ERBB4: variants seen among roughly 807,000 people sequenced by gnomAD.
ERBB4 encodes erb-b2 receptor tyrosine kinase 4, also known as receptor tyrosine-protein kinase erbB-4.
ERBB4 carries 42 observed loss-of-function variants against 158.0 expected under a neutral mutation model. That is an observed-to-expected ratio of 0.27 (90% CI 0.21 to 0.34). The LOEUF (loss-of-function observed/expected upper bound fraction) is 0.34. ERBB4 is among the 10% of genes least tolerant of loss of function. The probability of loss-of-function intolerance (pLI) is 1.00; values close to 1 mark genes in which losing one functional copy is unlikely to be tolerated. For missense variants in ERBB4, 1,333 were observed against 1,624.1 expected (o/e 0.82, Z 3.08); for synonymous variants, 583 against 558.7 (o/e 1.04, Z -0.61).
At chr2:211,954,728 T>A (rs1432056965) in intron 2 of ERBB4, among the ~76,000 whole-genome samples, 1 of 152,022 alleles carries the variant, frequency 6.6e-6, no homozygotes, top group African/African-American at 2.4e-5. Context: ...CGGTGACAAA[T>A]GTAGTAGCAA....
rs140874029 is a variant in ERBB4 at position 211,655,693 on chromosome 2, G to A, written c.1946+2061C>T. 1.0e-3 allele frequency among the ~76,000 whole-genome samples: 156 copies of A among 152,224 alleles called. 1 individual carries two copies. Among genetic ancestry groups the A allele is most frequent in the African/African-American group, 3.4e-3 (143 of 41,550 alleles). On this transcript the variant is annotated intron_variant, in intron 16 of 27. Transcript: ENST00000342788. ...AGTTGCTCTGCCAGGGTCTCAAGAA[G>A]GAAAATTTCTTTCATAAATATAGGA...
chr2:211,973,094 C>T (rs775391759), intron 2 of ERBB4, among the ~76,000 whole-genome samples: 25 of 151,476 alleles, frequency 1.7e-4, no homozygotes, highest in Non-Finnish European at 3.2e-4. Flanking sequence ...CAAACGACCC[C>T]ACAAAAAAAA....
chr2:212,355,439 A>C (rs1176603205), intron 1 of ERBB4, among the ~76,000 whole-genome samples: 1 of 151,082 alleles, frequency 6.6e-6, no homozygotes, highest in African/African-American at 2.5e-5. Flanking sequence ...CTACAAACCT[A>C]CTGAAGTCTT....
rs1693246421 is a variant in ERBB4 at position 212,538,591 on chromosome 2, C to A, written c.-61G>T. 1 of 1,520,388 alleles carries A rather than the reference C, an allele frequency of 6.6e-7. No homozygotes were observed. Among genetic ancestry groups the A allele is most frequent in the Non-Finnish European group, 9.1e-7 (1 of 1,095,068 alleles). The allele number at this position is 1,520,388 out of a possible 1,614,324, so 94.2% of individuals were successfully genotyped here. A position where few individuals can be genotyped will look rare whatever the true frequency, so the allele number is the denominator to read the frequency against. ...ATGTCCAAATGGCATATCCCCCTTT[C>A]GGGCACGCGGAGGAGATCCCCCAGC... On this transcript the variant is annotated 5_prime_UTR_variant, in exon 1 of 28. Coordinates refer to ENST00000342788, the MANE Select transcript of ERBB4 (RefSeq NM_005235.3).
At chr2:211,436,385 A>C (rs2063855637) in intron 20 of ERBB4, among the ~76,000 whole-genome samples, 1 of 152,096 alleles carries the variant, frequency 6.6e-6, no homozygotes, top group Non-Finnish European at 1.5e-5. Flanking sequence ...TGCCTGTTTC[A>C]AACCCCAGCC....
At chr2:211,928,820 G>C (rs980397106) in intron 3 of ERBB4, among the ~76,000 whole-genome samples, 2 of 152,108 alleles carry the variant, frequency 1.3e-5, no homozygotes, top group Non-Finnish European at 2.9e-5. Flanking sequence ...GCTTTCTATG[G>C]CATATTGAAA....
chr2:212,372,239 T>C (rs72933146), intron 1 of ERBB4, among the ~76,000 whole-genome samples: 255 of 152,292 alleles, frequency 1.7e-3, no homozygotes, highest in Non-Finnish European at 3.1e-3. Context: ...CAACAGTTAC[T>C]TAAGGCCTTC....
chr2:212,119,331 A>G (rs2079672306), intron 2 of ERBB4, among the ~76,000 whole-genome samples: 1 of 152,164 alleles, frequency 6.6e-6, no homozygotes, highest in Non-Finnish European at 1.5e-5. Flanking sequence ...AAGTTAATAT[A>G]TAAAACAGAA....
rs1559321216 is a variant in ERBB4 at position 212,015,105 on chromosome 2, TATATATA to T, written c.235-67496_235-67490del. On this transcript the variant is annotated intron_variant, in intron 2 of 27. Coordinates refer to ENST00000342788, the MANE Select transcript of ERBB4 (RefSeq NM_005235.3). The stretch of plus-strand genomic sequence containing the variant: ...ATATATATATATATATATATATATA[TATATATA>T]AAAATTAGCCGGGCATGGTGGCGGG... Among the ~76,000 whole-genome samples, 18 of 82,606 alleles carry T rather than the reference TATATATA, an allele frequency of 2.2e-4. 4 individuals carry two copies. Among genetic ancestry groups the T allele is most frequent in the South Asian group, 8.5e-4 (2 of 2,340 alleles). The allele number at this position is 82,606 out of a possible 152,430, so 54.2% of individuals were successfully genotyped here.
intron 1 of ERBB4, among the ~76,000 whole-genome samples, chr2:212,219,797 C>T (rs1443207376): frequency 6.6e-6 from 1 of 151,256 alleles, no homozygotes; most frequent in East Asian, 1.9e-4. Context: ...TAACACAAAA[C>T]ACTCTTAGGA....
chr2:211,542,415 C>T (rs1233329658), intron 20 of ERBB4, among the ~76,000 whole-genome samples: 2 of 151,896 alleles, frequency 1.3e-5, no homozygotes, highest in Non-Finnish European at 2.9e-5. Context: ...CTTTTCCATC[C>T]CCCTCTGCTT....
chr2:211,759,386 C>A (rs1292340107), intron 4 of ERBB4, among the ~76,000 whole-genome samples: 1 of 152,112 alleles, frequency 6.6e-6, no homozygotes, highest in African/African-American at 2.4e-5. Context: ...TGTCAAATCT[C>A]CTAAGTTGCC....
chr2:212,218,583 A>T (rs2083182611), intron 1 of ERBB4, among the ~76,000 whole-genome samples: 2 of 151,366 alleles, frequency 1.3e-5, no homozygotes, highest in Non-Finnish European at 3.0e-5. Context: ...CTAGTCAACC[A>T]GCTAATTGCC....
At chr2:211,413,309 A>AACACACACAC (rs36108369) in intron 25 of ERBB4, among the ~76,000 whole-genome samples, 1,106 of 94,526 alleles carry the variant, frequency 0.012, 56 homozygotes, top group African/African-American at 0.04. Context: ...CTGTCTTAAA[A>AACACACACAC]ACACACACAC....
At chr2:211,963,705 T>G (rs908723328) in intron 2 of ERBB4, among the ~76,000 whole-genome samples, 3 of 152,126 alleles carry the variant, frequency 2.0e-5, no homozygotes, top group Admixed American at 2.0e-4. Flanking sequence ...TGATTTGATT[T>G]TTTTTCATTC....
At chr2:211,791,827 T>C (rs940002204) in intron 3 of ERBB4, among the ~76,000 whole-genome samples, 10 of 151,882 alleles carry the variant, frequency 6.6e-5, no homozygotes, top group Non-Finnish European at 1.0e-4. Flanking sequence ...CACTTAAATA[T>C]GTTTGTGTCT....
At chr2:212,113,573 CAAAAAAAAAAAAAAAAAA>C (rs35545899) in intron 2 of ERBB4, among the ~76,000 whole-genome samples, 5 of 64,248 alleles carry the variant, frequency 7.8e-5, no homozygotes, top group East Asian at 1.4e-3. Context: ...GACTCCATCT[CAAAAAAAAAAAAAAAAAA>C]AAAAAAAAAA....
At chr2:211,727,339 T>A (rs1280983713) in intron 5 of ERBB4, among the ~76,000 whole-genome samples, 1 of 152,156 alleles carries the variant, frequency 6.6e-6, no homozygotes, top group African/African-American at 2.4e-5. Flanking sequence ...CATTTGTATT[T>A]TTTTCAAGTT....
chr2:211,695,901 C>T (rs73082627), intron 12 of ERBB4, among the ~76,000 whole-genome samples: 17,565 of 151,968 alleles, frequency 0.12, 1,871 homozygotes, highest in African/African-American at 0.29. Flanking sequence ...TTAGTAGTAA[C>T]AATATCTAAT....
Sources: gnomAD v4.1 joint callset for allele counts (sites outside exome capture counted in the v4.1 genomes callset) on GRCh38, gnomAD v4.1.1 for gene constraint, MANE v1.5 for transcripts, NCBI Gene and HGNC (gene_info 2026-07-23, HGNC 2026-07-21) for gene names.